ERICH5: variants seen among roughly 807,000 people sequenced by gnomAD.
ERICH5 encodes the protein glutamate-rich protein 5.
Under a neutral mutation model 28.0 loss-of-function variants are expected in ERICH5, and 24 were observed. The observed-to-expected ratio is 0.86, with a 90% CI of 0.62 to 1.21. ERICH5 has a LOEUF of 1.21. Among genes scored for constraint, ERICH5 ranks in the 50% most tolerant of loss-of-function variants. The pLI is 0.00. For missense variants in ERICH5, 421 were observed against 441.2 expected (o/e 0.95, Z 0.41); for synonymous variants, 163 against 157.6 (o/e 1.03, Z -0.25).
chr8:98,087,664 T>C (rs1815306486), intron 1 of ERICH5, among the ~76,000 whole-genome samples: 1 of 152,042 alleles, frequency 6.6e-6, no homozygotes, highest in South Asian at 2.1e-4. Flanking sequence ...TCATACTTTA[T>C]ATAAAATTGA....
chr8:98,074,613 G>T (rs1038083597), intron 1 of ERICH5, among the ~76,000 whole-genome samples: 1 of 151,476 alleles, frequency 6.6e-6, no homozygotes, highest in South Asian at 2.1e-4. Flanking sequence ...TACCCAGGCT[G>T]GTCTCAAACT....
At chr8:98,090,207 A>G (rs1231228750) in intron 2 of ERICH5, among the ~76,000 whole-genome samples, 178 bp downstream of exon 2, 1 of 152,208 alleles carries the variant, frequency 6.6e-6, no homozygotes, top group Non-Finnish European at 1.5e-5. Flanking sequence ...ATTAATGCTC[A>G]GTTTGTCAGC....
At chr8:98,074,331 C>A (rs1357797108) in intron 1 of ERICH5, among the ~76,000 whole-genome samples, 1 of 151,946 alleles carries the variant, frequency 6.6e-6, no homozygotes, top group Non-Finnish European at 1.5e-5. Flanking sequence ...GTTTATGAGA[C>A]AGTTTTTCTA....
intron 1 of ERICH5, among the ~76,000 whole-genome samples, chr8:98,065,399 G>T (rs1177181286): frequency 6.6e-6 from 1 of 152,208 alleles, no homozygotes; most frequent in Non-Finnish European, 1.5e-5. Context: ...TTAAGTATCA[G>T]TTGAGAAGTA....
At chr8:98,090,857 G>A (rs992597217) in intron 2 of ERICH5, among the ~76,000 whole-genome samples, 5 of 152,230 alleles carry the variant, frequency 3.3e-5, no homozygotes, top group Middle Eastern at 3.4e-3. Flanking sequence ...TAGCTTCACA[G>A]TTCAGTATAC....
intron 1 of ERICH5, among the ~76,000 whole-genome samples, chr8:98,084,757 T>C (rs957935866): frequency 6.6e-6 from 1 of 152,174 alleles, no homozygotes; most frequent in African/African-American, 2.4e-5. Flanking sequence ...CTTTTATTTT[T>C]ATATTTCAAA....
chr8:98,081,016 A>C (rs1027094530), intron 1 of ERICH5, among the ~76,000 whole-genome samples: 1 of 151,962 alleles, frequency 6.6e-6, no homozygotes, highest in Non-Finnish European at 1.5e-5. Flanking sequence ...TCTTTCTTCT[A>C]TCACAGAAAT....
intron 2 of ERICH5, among the ~76,000 whole-genome samples, chr8:98,092,380 C>G (rs562312593): frequency 1.3e-5 from 2 of 152,286 alleles, no homozygotes; most frequent in African/African-American, 2.4e-5. Context: ...CCAGGCCGGT[C>G]TCAGACCCTA....
At position 98,064,742 on chromosome 8, in the gene ERICH5, G is replaced by C. The variant is rs549160868; in HGVS notation, c.58+15G>C. On this transcript the variant is annotated intron_variant, in intron 1 of 2. Coordinates refer to ENST00000318528, the MANE Select transcript of ERICH5 (RefSeq NM_173549.3). Reference sequence around the variant, plus strand: ...GTTCCCCAGCGGTGAGCAGGGTACCGGCGCCGCCCGCGCCCGGGCTGGGGA... The same window carrying C: ...GTTCCCCAGCGGTGAGCAGGGTACCCGCGCCGCCCGCGCCCGGGCTGGGGA... 4.6e-6 allele frequency: 7 copies of C among 1,523,786 alleles called. No homozygotes were observed. Among genetic ancestry groups the C allele is most frequent in the African/African-American group, 1.4e-5 (1 of 72,608 alleles). The allele number at this position is 1,523,786 out of a possible 1,614,324, so 94.4% of individuals were successfully genotyped here.
At chr8:98,073,066 C>T (rs146823874) in intron 1 of ERICH5, among the ~76,000 whole-genome samples, 5 of 152,136 alleles carry the variant, frequency 3.3e-5, no homozygotes, top group African/African-American at 1.2e-4. Flanking sequence ...TGAAGTTCAA[C>T]ATTTCATTTC....
At chr8:98,066,953 T>C (rs1160628333) in intron 1 of ERICH5, among the ~76,000 whole-genome samples, 1 of 152,264 alleles carries the variant, frequency 6.6e-6, no homozygotes, top group Non-Finnish European at 1.5e-5. Flanking sequence ...ATTTATTCAC[T>C]GTACTCTCAG....
intron 1 of ERICH5, among the ~76,000 whole-genome samples, chr8:98,066,070 T>C (rs1405651284): frequency 1.3e-5 from 2 of 152,146 alleles, no homozygotes; most frequent in African/African-American, 4.8e-5. Flanking sequence ...CTGACAACAA[T>C]GTGAAAAGAT....
chr8:98,071,337 G>T (rs1029545382), intron 1 of ERICH5, among the ~76,000 whole-genome samples: 1 of 152,154 alleles, frequency 6.6e-6, no homozygotes, highest in African/African-American at 2.4e-5. Flanking sequence ...CATGTGTACA[G>T]TTTCACTTCT....
intron 1 of ERICH5, among the ~76,000 whole-genome samples, chr8:98,079,153 C>CT (rs59165735): frequency 9.1e-5 from 12 of 132,396 alleles, no homozygotes; most frequent in Non-Finnish European, 1.1e-4. Flanking sequence ...ACATTTTCCT[C>CT]TTTTTTTTTT....
intron 1 of ERICH5, among the ~76,000 whole-genome samples, chr8:98,084,746 T>C (rs1032637083): frequency 1.3e-5 from 2 of 152,196 alleles, no homozygotes; most frequent in African/African-American, 2.4e-5. Context: ...TTTTTAGTTA[T>C]CTTTTATTTT....
chr8:98,071,128 G>T (rs978750084), intron 1 of ERICH5, among the ~76,000 whole-genome samples: 2 of 152,210 alleles, frequency 1.3e-5, no homozygotes, highest in African/African-American at 2.4e-5. Flanking sequence ...TCTGGACGTG[G>T]TGGCAGCTGG....
At chr8:98,079,165 CCTTTTTTTTTT>C (rs1439947048) in intron 1 of ERICH5, among the ~76,000 whole-genome samples, 11 of 46,498 alleles carry the variant, frequency 2.4e-4, no homozygotes, top group Non-Finnish European at 5.7e-4. Context: ...TTTTTTTTTT[CCTTTTTTTTTT>C]TTTTTTTTTT....
chr8:98,074,539 C>G (rs1318015318), intron 1 of ERICH5, among the ~76,000 whole-genome samples: 2 of 151,210 alleles, frequency 1.3e-5, no homozygotes, highest in Non-Finnish European at 2.9e-5. Flanking sequence ...GCTGAGACTA[C>G]AGCTGTGCAC....
intron 1 of ERICH5, among the ~76,000 whole-genome samples, chr8:98,075,358 G>T (rs539296814): frequency 1.2e-4 from 19 of 152,248 alleles, no homozygotes; most frequent in African/African-American, 3.4e-4. Flanking sequence ...GAAGAAGCTC[G>T]TTCAATTCAG....
Sources: gnomAD v4.1 joint callset for allele counts (sites outside exome capture counted in the v4.1 genomes callset) on GRCh38, gnomAD v4.1.1 for gene constraint, MANE v1.5 for transcripts, NCBI Gene and HGNC (gene_info 2026-07-23, HGNC 2026-07-21) for gene names.